B3GLCT: variants seen among roughly 807,000 people sequenced by gnomAD.
The protein encoded by B3GLCT is beta 3-glucosyltransferase.
B3GLCT carries 65 observed loss-of-function variants against 63.4 expected under a neutral mutation model. The observed-to-expected ratio is 1.03, with a 90% CI of 0.84 to 1.26. The LOEUF is 1.26. B3GLCT is among the 50% of genes most tolerant of loss of function. The pLI is 0.00. For synonymous variants in B3GLCT, 233 were observed against 219.2 expected (o/e 1.06, Z -0.55); for missense variants, 577 against 604.8 (o/e 0.95, Z 0.48).
chr13:31,206,550 TC>T (rs1399983003), intron 1 of B3GLCT, among the ~76,000 whole-genome samples: 1 of 141,822 alleles, frequency 7.1e-6, no homozygotes, highest in Non-Finnish European at 1.5e-5. Context: ...ACCAGCCTGG[TC>T]AACATAGTGA....
chr13:31,274,387 G>A lies in B3GLCT; in HGVS notation c.661-122G>A, dbSNP rs1872689820. 17 of 1,279,558 alleles carry A rather than the reference G, an allele frequency of 1.3e-5. No individual in the cohort carries two copies. In the East Asian group the frequency reaches 4.0e-4, roughly 30 times the overall value. 79.3% of individuals were successfully genotyped at this position (1,279,558 alleles called of 1,614,324 possible). A position where few individuals can be genotyped will look rare whatever the true frequency, so the allele number is the denominator to read the frequency against. ...AAGTCCTGTTGAATACTGACAAATT[G>A]ATATGGTTCAGCCTACTCTCTATGG... On this transcript the variant is annotated intron_variant, in intron 8 of 14. Transcript: ENST00000343307.
At chr13:31,329,030 T>G (rs1475238403) in intron 14 of B3GLCT, among the ~76,000 whole-genome samples, 2 of 152,212 alleles carry the variant, frequency 1.3e-5, no homozygotes, top group Non-Finnish European at 2.9e-5. Flanking sequence ...GTTTTCTTTC[T>G]TCGAATGACA....
intron 10 of B3GLCT, among the ~76,000 whole-genome samples, chr13:31,280,370 C>T (rs1873011196): frequency 1.3e-5 from 2 of 152,170 alleles, no homozygotes; most frequent in South Asian, 2.1e-4. Context: ...GTTTGGGGTC[C>T]CTGACTTCCC....
At chr13:31,221,718 C>T (rs914682594) in intron 2 of B3GLCT, among the ~76,000 whole-genome samples, 11 of 152,208 alleles carry the variant, frequency 7.2e-5, no homozygotes, top group Admixed American at 6.5e-4. Context: ...TCTGTGGATA[C>T]GTCTCTTGGC....
At chr13:31,240,933 A>AT (rs77708418) in intron 4 of B3GLCT, among the ~76,000 whole-genome samples, 10 of 150,758 alleles carry the variant, frequency 6.6e-5, no homozygotes, top group South Asian at 6.3e-4. Context: ...AGAAAATAGA[A>AT]TTTTTTTTTT....
chr13:31,261,170 G>C, intron 7 of B3GLCT, 88 bp downstream of exon 7: 2 of 1,449,954 alleles, frequency 1.4e-6, no homozygotes, highest in Non-Finnish European at 1.9e-6. Flanking sequence ...TGGATCTCAG[G>C]ATCTCAAATG....
intron 4 of B3GLCT, among the ~76,000 whole-genome samples, chr13:31,241,887 G>A (rs569131977): frequency 1.4e-4 from 21 of 152,288 alleles, no homozygotes; most frequent in African/African-American, 4.6e-4. Flanking sequence ...AGGGATTAGT[G>A]AGACATCTAG....
chr13:31,212,497 A>C (rs539609227), intron 1 of B3GLCT, among the ~76,000 whole-genome samples: 1 of 151,704 alleles, frequency 6.6e-6, no homozygotes, highest in African/African-American at 2.4e-5. Flanking sequence ...CTGGTCTCAA[A>C]CTCCTGACCT....
intron 12 of B3GLCT, among the ~76,000 whole-genome samples, chr13:31,290,068 C>G (rs981881125): frequency 6.6e-6 from 1 of 152,118 alleles, no homozygotes; most frequent in African/African-American, 2.4e-5. Context: ...CTCCCTGTGT[C>G]CAGGTGTTCT....
At chr13:31,257,895 GAT>G (rs1446931583) in intron 6 of B3GLCT, among the ~76,000 whole-genome samples, 2 of 152,178 alleles carry the variant, frequency 1.3e-5, no homozygotes, top group African/African-American at 2.4e-5. Context: ...GTGTACTGGA[GAT>G]ATAGCAGTGA....
chr13:31,328,052 C>A (rs1419308068), intron 14 of B3GLCT, among the ~76,000 whole-genome samples: 1 of 152,202 alleles, frequency 6.6e-6, no homozygotes, highest in Non-Finnish European at 1.5e-5. Flanking sequence ...CTGGGCTGAG[C>A]ACCTCTCTCT....
rs761703426 is a variant in B3GLCT, at chr13:31,276,202, G to A, written c.781-500G>A. Among the ~76,000 whole-genome samples the A allele has an allele frequency of 1.6e-4, 24 of 152,090 alleles. 1 individual carries two copies. The highest frequency in any genetic ancestry group is 4.6e-4 in the African/African-American group (19 of 41,386). On this transcript the variant is annotated intron_variant, in intron 9 of 14. Coordinates refer to ENST00000343307, the MANE Select transcript of B3GLCT (RefSeq NM_194318.4). ...AACATCCTTAGCCTAGACTTGGGTCGCCAGTAAAGAGGCCGTAAAAATGTT... is the reference window on the plus strand; with the variant it reads ...AACATCCTTAGCCTAGACTTGGGTCACCAGTAAAGAGGCCGTAAAAATGTT...
At chr13:31,226,481 T>C (rs1262923688) in intron 3 of B3GLCT, among the ~76,000 whole-genome samples, 1 of 152,250 alleles carries the variant, frequency 6.6e-6, no homozygotes, top group African/African-American at 2.4e-5. Context: ...CAAATCCTCT[T>C]CCCTGTATGG....
At chr13:31,289,436 G>A (rs1280662731) in intron 12 of B3GLCT, among the ~76,000 whole-genome samples, 2 of 151,956 alleles carry the variant, frequency 1.3e-5, no homozygotes, top group African/African-American at 4.8e-5. Flanking sequence ...ACTTCACATG[G>A]CATATTAGGA....
chr13:31,323,776 A>G lies in B3GLCT; in HGVS notation c.1210A>G (p.Arg404Gly). ...GGMVFSREAVRRLLASKCRCY... is the reference protein window; with the variant it reads ...GGMVFSREAVGRLLASKCRCY... ...AATGGTCTTCAGCAGAGAAGCCGTCAGGAGACTTCTCGCCAGTAAATGTCG... is the reference window on the plus strand; with the variant it reads ...AATGGTCTTCAGCAGAGAAGCCGTCGGGAGACTTCTCGCCAGTAAATGTCG... The change falls in exon 14 of 15, where the codon AGG (arginine) becomes GGG (glycine). Residue 404 changes from arginine (R) to glycine (G), a missense_variant. Physicochemically the swap from Arg to Gly is moderately radical, Grantham distance 125. Transcript: ENST00000343307. 1.2e-6 allele frequency: 2 copies of G among 1,614,194 alleles called. No individual in the cohort carries two copies. Among genetic ancestry groups the G allele is most frequent in the Non-Finnish European group, 1.7e-6 (2 of 1,180,024 alleles).
chr13:31,327,120 G>A (rs1475272045), intron 14 of B3GLCT, among the ~76,000 whole-genome samples: 2 of 152,120 alleles, frequency 1.3e-5, no homozygotes, highest in Admixed American at 1.3e-4. Context: ...TGAACCCTAC[G>A]TATACTATGT....
rs76064278 is a variant in B3GLCT, at chr13:31,215,046, T to C, written c.71-5T>C. 3.3e-5 allele frequency: 52 copies of C among 1,560,306 alleles called. No homozygotes were observed. The highest frequency in any genetic ancestry group is 3.4e-5 in the Non-Finnish European group (39 of 1,152,442). Reference sequence around the variant, plus strand: ...TAGAAATATTTCTTTTTTTTTTTTTTCCAGCTTTTGGTTTGGCTTCTGAAG... The same window carrying C: ...TAGAAATATTTCTTTTTTTTTTTTTCCCAGCTTTTGGTTTGGCTTCTGAAG... On this transcript the variant is annotated splice_polypyrimidine_tract_variant and splice_region_variant and intron_variant, in intron 1 of 14. Transcript: ENST00000343307.
chr13:31,248,125 T>C (rs1056303850), intron 6 of B3GLCT, among the ~76,000 whole-genome samples, 159 bp downstream of exon 6: 1 of 152,194 alleles, frequency 6.6e-6, no homozygotes, highest in Admixed American at 6.5e-5. Context: ...TAAGTAATGC[T>C]CTTTGAAGTT....
intron 4 of B3GLCT, among the ~76,000 whole-genome samples, chr13:31,232,588 C>T (rs1407901769): frequency 6.6e-6 from 1 of 152,208 alleles, no homozygotes; most frequent in East Asian, 1.9e-4. Flanking sequence ...TACAATTCCA[C>T]ATGAGATTTG....
Sources: allele counts gnomAD v4.1 joint callset (sites outside exome capture counted in the v4.1 genomes callset), GRCh38; gene constraint gnomAD v4.1.1; transcripts MANE v1.5; gene names NCBI Gene and HGNC (gene_info 2026-07-23, HGNC 2026-07-21).